Variants in STARD5 observed in about 807,000 individuals in gnomAD.
STARD5 encodes the protein stAR-related lipid transfer protein 5.
STARD5 carries 26 observed loss-of-function variants against 24.6 expected under a neutral mutation model. The ratio of observed to expected loss-of-function variants is 1.06; its 90% CI spans 0.77 to 1.47. STARD5 has a LOEUF of 1.47. Among genes scored for constraint, STARD5 ranks in the 40% most tolerant of loss-of-function variants. The probability of loss-of-function intolerance (pLI) is 0.00; values close to 1 mark genes in which losing one functional copy is unlikely to be tolerated. For synonymous variants in STARD5, 101 were observed against 99.7 expected, an observed-to-expected ratio of 1.01 and a Z score of -0.07; for missense variants, 254 against 270.8, an observed-to-expected ratio of 0.94 and a Z score of 0.44.
chr15:81,322,991 G>T, intron 1 of STARD5, 43 bp from the exon 2 acceptor site: 1 of 1,609,536 alleles, frequency 6.2e-7, no homozygotes, highest in Middle Eastern at 1.7e-4. Context: ...AGCTAGAAGG[G>T]CTCTGGTCAC....
chr15:81,319,029 G>A (rs1478759885), intron 4 of STARD5, among the ~76,000 whole-genome samples: 1 of 151,882 alleles, frequency 6.6e-6, no homozygotes, highest in African/African-American at 2.4e-5. Context: ...CATAGATTTT[G>A]CACACAAGTT....
intron 3 of STARD5, among the ~76,000 whole-genome samples, chr15:81,322,188 A>ACTT (rs1893302938): frequency 6.6e-6 from 1 of 151,976 alleles, no homozygotes; most frequent in Non-Finnish European, 1.5e-5. Context: ...CCCCGCAGAG[A>ACTT]CTCTGTTTGG....
rs1358207940 is a variant in STARD5 at position 81,322,944 on chromosome 15, C to G, written c.104G>C (p.Gly35Ala). ...AGWKICREGN[G>A]VSVSWRPSVE... ...AGATGGCCTCCAGGAAACTGAAACT[C>G]CATTCTGTCAAAAGGCACAGAACCA... Residue 35 changes from glycine to alanine, a missense_variant, in exon 2 of 6, where the codon GGA becomes GCA. Transcript: ENST00000302824. 1.2e-6 allele frequency: 2 copies of G among 1,613,934 alleles called. No homozygotes were observed. The highest frequency in any genetic ancestry group is 4.5e-5 in the East Asian group (2 of 44,890).
intron 5 of STARD5, among the ~76,000 whole-genome samples, chr15:81,316,891 C>CA (rs1901093706): frequency 6.6e-6 from 1 of 152,088 alleles, no homozygotes; most frequent in Non-Finnish European, 1.5e-5. Context: ...ACCCCAACCA[C>CA]CCTCTCAGCA....
chr15:81,318,639 T>G, intron 4 of STARD5, 137 bp from the exon 5 acceptor site: 1 of 700,390 alleles, frequency 1.4e-6, no homozygotes, highest in Non-Finnish European at 2.4e-6. Context: ...TTGGCGTGAG[T>G]TCCCCCTACT....
intron 3 of STARD5, among the ~76,000 whole-genome samples, chr15:81,320,526 A>G (rs963161125): frequency 6.6e-6 from 1 of 152,180 alleles, no homozygotes; most frequent in African/African-American, 2.4e-5. Context: ...GAATCATCCT[A>G]TCATGAATTG....
At position 81,311,640 on chromosome 15, in the gene STARD5, T is replaced by C. The variant is rs1026808169; in HGVS notation, c.*1616A>G. 1.3e-5 allele frequency: 2 copies of C among 152,120 alleles called. No individual in the cohort carries two copies. Among genetic ancestry groups the C allele is most frequent in the Non-Finnish European group, 2.9e-5 (2 of 68,050 alleles). 9.4% of individuals were successfully genotyped at this position (152,120 alleles called of 1,614,324 possible). On this transcript the variant is annotated 3_prime_UTR_variant, in exon 6 of 6. Coordinates refer to ENST00000302824, the MANE Select transcript of STARD5 (RefSeq NM_181900.3). ...TCTTGATAAGACCACCACCTCAGAG[T>C]ATGGAGCTCAGAGAGGGCAGGCATG...
At chr15:81,319,177 T>C (rs575984932) in intron 4 of STARD5, among the ~76,000 whole-genome samples, 162 bp downstream of exon 4, 1 of 151,932 alleles carries the variant, frequency 6.6e-6, no homozygotes, top group East Asian at 1.9e-4. Flanking sequence ...CAGACCCCCA[T>C]GGCCCTGAGT....
intron 3 of STARD5, 30 bp from the exon 4 acceptor site, chr15:81,319,486 A>G: frequency 6.3e-7 from 1 of 1,595,116 alleles, no homozygotes; most frequent in Non-Finnish European, 8.6e-7. Flanking sequence ...TGTAGCTGTG[A>G]CTGCTGGCCA....
chr15:81,311,129 A>C lies in STARD5; in HGVS notation c.*2127T>G, dbSNP rs1274154097. ...ATGCTGGGATTTACACTTGAGGCTT[A>C]GCTTTGCTCTGCCAACTTCTTCAGA... On this transcript the variant is annotated 3_prime_UTR_variant, in exon 6 of 6. Transcript: ENST00000302824. The C allele has an allele frequency of 1.3e-5, 2 of 152,256 alleles. No individual in the cohort carries two copies. The highest frequency in any genetic ancestry group is 4.8e-5 in the African/African-American group (2 of 41,468). 9.4% of individuals were successfully genotyped at this position (152,256 alleles called of 1,614,324 possible).
rs1246648057 is a variant in STARD5 at position 81,311,548 on chromosome 15, C to T, written c.*1708G>A. 2.0e-5 allele frequency: 3 copies of T among 152,254 alleles called. No individual in the cohort carries two copies. The highest frequency in any genetic ancestry group is 4.4e-5 in the Non-Finnish European group (3 of 68,106). 9.4% of individuals were successfully genotyped at this position (152,254 alleles called of 1,614,324 possible). A position where few individuals can be genotyped will look rare whatever the true frequency, so the allele number is the denominator to read the frequency against. On this transcript the variant is annotated 3_prime_UTR_variant, in exon 6 of 6. Transcript: ENST00000302824. Reference sequence around the variant, plus strand: ...GCAGGCACAGTATGTCCCATAGGCCCAGTGAGATGCATTCTTGGTTGGCTG... The same window carrying T: ...GCAGGCACAGTATGTCCCATAGGCCTAGTGAGATGCATTCTTGGTTGGCTG...
In STARD5 at chr15:81,316,229, C is replaced by A. The variant is rs1249624663; in HGVS notation, c.494+2180G>T. 2.0e-5 allele frequency among the ~76,000 whole-genome samples: 3 copies of A among 152,222 alleles called. No homozygotes were observed. The East Asian group carries it at 5.8e-4, about 29-fold the overall frequency. ...AAACCCCCTAGATAACCCACTCACACCTTTCCCTGGCACCTTTATCTGGGT... is the reference window on the plus strand; with the variant it reads ...AAACCCCCTAGATAACCCACTCACAACTTTCCCTGGCACCTTTATCTGGGT... On this transcript the variant is annotated intron_variant, in intron 5 of 5. Transcript: ENST00000302824.
intron 3 of STARD5, among the ~76,000 whole-genome samples, chr15:81,320,216 G>T (rs1233149479): frequency 6.6e-6 from 1 of 152,174 alleles, no homozygotes; most frequent in Non-Finnish European, 1.5e-5. Flanking sequence ...TAGGTGAGAG[G>T]GGCTGGTAAA....
intron 4 of STARD5, 62 bp downstream of exon 4, chr15:81,319,277 G>T: frequency 7.2e-7 from 1 of 1,389,296 alleles, no homozygotes; most frequent in African/African-American, 1.4e-5. Flanking sequence ...GGAACTGTGG[G>T]GTGCAGAAGA....
chr15:81,315,127 C>T (rs1293967065), intron 5 of STARD5, among the ~76,000 whole-genome samples: 3 of 152,050 alleles, frequency 2.0e-5, no homozygotes, highest in Non-Finnish European at 2.9e-5. Context: ...ACCTTTCCCT[C>T]ACCCACCAAC....
intron 5 of STARD5, among the ~76,000 whole-genome samples, chr15:81,314,871 A>G (rs1901041658): frequency 7.1e-6 from 1 of 140,866 alleles, no homozygotes; most frequent in South Asian, 2.5e-4. Context: ...GGGTGACAAG[A>G]GCAAAACCCC....
intron 1 of STARD5, chr15:81,323,584 C>G (rs1438265100): frequency 1.5e-6 from 2 of 1,334,044 alleles, no homozygotes; most frequent in East Asian, 2.5e-5. Context: ...TAGTATGCAT[C>G]AGATGCTGGA....
chr15:81,319,765 A>C (rs1901158617), intron 3 of STARD5, among the ~76,000 whole-genome samples: 1 of 152,240 alleles, frequency 6.6e-6, no homozygotes, highest in Non-Finnish European at 1.5e-5. Context: ...CTGGCTGGAC[A>C]AAGCTCTCAG....
intron 5 of STARD5, among the ~76,000 whole-genome samples, chr15:81,314,893 GAAA>G (rs5814055): frequency 9.6e-6 from 1 of 104,050 alleles, no homozygotes; most frequent in Non-Finnish European, 1.9e-5. Context: ...CCTCAAAAAA[GAAA>G]AAAAAAAAAA....
Sources: gnomAD v4.1 joint callset for allele counts (sites outside exome capture counted in the v4.1 genomes callset) on GRCh38, gnomAD v4.1.1 for gene constraint, MANE v1.5 for transcripts, NCBI Gene and HGNC (gene_info 2026-07-23, HGNC 2026-07-21) for gene names.